Variants in SERINC5 observed in about 807,000 individuals in gnomAD.
SERINC5 encodes the protein serine incorporator 5.
A neutral mutation model predicts 63.1 loss-of-function variants in SERINC5; 41 were observed. The ratio of observed to expected loss-of-function variants is 0.65; its 90% CI spans 0.51 to 0.84. The LOEUF (loss-of-function observed/expected upper bound fraction) is 0.84. SERINC5 is among the 40% of genes least tolerant of loss of function. SERINC5 has a pLI of 0.00. For missense variants in SERINC5, 523 were observed against 573.0 expected (o/e 0.91, Z 0.89); for synonymous variants, 222 against 215.2 (o/e 1.03, Z -0.28).
chr5:80,194,203 T>A (rs1467453712), intron 2 of SERINC5, among the ~76,000 whole-genome samples: 1 of 152,230 alleles, frequency 6.6e-6, no homozygotes, highest in Non-Finnish European at 1.5e-5. Flanking sequence ...GGGTCAGCAA[T>A]ATTTTCTTGT....
At chr5:80,240,467 A>T (rs1751896884) in intron 1 of SERINC5, among the ~76,000 whole-genome samples, 1 of 152,200 alleles carries the variant, frequency 6.6e-6, no homozygotes, top group Non-Finnish European at 1.5e-5. Context: ...AAAGTTTTAG[A>T]ATATTGTGCC....
chr5:80,151,105 T>G (rs1192306229), intron 8 of SERINC5, among the ~76,000 whole-genome samples, 157 bp from the exon 9 acceptor site: 9 of 152,258 alleles, frequency 5.9e-5, no homozygotes. Context: ...TACCTCTCCT[T>G]ATTCCAAAAT....
intron 2 of SERINC5, among the ~76,000 whole-genome samples, chr5:80,181,414 T>TAGTGTGTGTG (rs796214325): frequency 8.8e-6 from 1 of 113,936 alleles, no homozygotes; most frequent in African/African-American, 3.9e-5. Flanking sequence ...GCTCAGCTAA[T>TAGTGTGTGTG]TTTGTGTGTG....
At chr5:80,244,136 C>CT in intron 1 of SERINC5, among the ~76,000 whole-genome samples, 1 of 152,186 alleles carries the variant, frequency 6.6e-6, no homozygotes, top group South Asian at 2.1e-4. Context: ...ATAACCTCCC[C>CT]TCCCTGGCTT....
intron 4 of SERINC5, among the ~76,000 whole-genome samples, chr5:80,176,470 C>T (rs952318292): frequency 8.5e-5 from 13 of 152,124 alleles, no homozygotes; most frequent in African/African-American, 3.1e-4. Context: ...CTCACTCTGT[C>T]GCCCAGGCTG....
Position 80,142,030 on chromosome 5 carries a change from G to A in SERINC5, c.*1633C>T, listed in dbSNP as rs1203323950. On this transcript the variant is annotated 3_prime_UTR_variant, in exon 12 of 12. Transcript: ENST00000507668. ...TTTGGCACACAGAAGCCCAGCTTAG[G>A]TGGCACTCAATTCTGCCCAACTCAT... The A allele has an allele frequency of 2.2e-5, 22 of 985,256 alleles. No homozygotes were observed. Among genetic ancestry groups the A allele is most frequent in the Non-Finnish European group, 2.7e-5 (22 of 829,938 alleles). 61.0% of individuals were successfully genotyped at this position (985,256 alleles called of 1,614,324 possible).
chr5:80,130,749 C>G (rs568974176), intron 11 of SERINC5, among the ~76,000 whole-genome samples: 23 of 152,286 alleles, frequency 1.5e-4, no homozygotes, highest in Non-Finnish European at 2.8e-4. Flanking sequence ...TACTGCCATC[C>G]ACAAATCTTT....
chr5:80,150,705 G>A (rs1006974638), intron 9 of SERINC5, among the ~76,000 whole-genome samples, 177 bp downstream of exon 9: 6 of 152,130 alleles, frequency 3.9e-5, no homozygotes, highest in Non-Finnish European at 5.9e-5. Flanking sequence ...CAAAGTGCTG[G>A]GATTACAGGC....
rs995048549 is a variant in SERINC5, at chr5:80,142,722, A to G, written c.*941T>C. 44 of 985,490 alleles carry G rather than the reference A, an allele frequency of 4.5e-5. No homozygotes were observed. Among genetic ancestry groups the G allele is most frequent in the Non-Finnish European group, 5.2e-5 (43 of 829,942 alleles). 61.0% of individuals were successfully genotyped at this position (985,490 alleles called of 1,614,324 possible). A position where few individuals can be genotyped will look rare whatever the true frequency, so the allele number is the denominator to read the frequency against. On this transcript the variant is annotated 3_prime_UTR_variant, in exon 12 of 12. Transcript: ENST00000507668. Reference sequence around the variant, plus strand: ...AGAAAAAACTGAGGGGCTGACCTCAACAACTGAAAGAGCAGTGCATGCAGC... The same window carrying G: ...AGAAAAAACTGAGGGGCTGACCTCAGCAACTGAAAGAGCAGTGCATGCAGC...
At chr5:80,223,275 C>G (rs984723223) in intron 1 of SERINC5, among the ~76,000 whole-genome samples, 1 of 152,154 alleles carries the variant, frequency 6.6e-6, no homozygotes, top group South Asian at 2.1e-4. Flanking sequence ...TTCTCATATG[C>G]TCAAGTCCCT....
intron 1 of SERINC5, among the ~76,000 whole-genome samples, chr5:80,251,485 T>G (rs1480973903): frequency 1.3e-5 from 2 of 151,932 alleles, no homozygotes; most frequent in Non-Finnish European, 2.9e-5. Context: ...ATCCCAGCAC[T>G]TTGGGAGGCA....
intron 1 of SERINC5, among the ~76,000 whole-genome samples, chr5:80,236,951 G>A (rs1467410246): frequency 6.6e-6 from 1 of 152,020 alleles, no homozygotes. Context: ...CCAGGTTCAA[G>A]CGATTCTCCT....
At position 80,243,785 on chromosome 5, in the gene SERINC5, A is replaced by AAATG. The variant is rs1449805916; in HGVS notation, c.27+12110_27+12111insCATT. ...TAAATAAATAAATAAATAAATAAATAAAACAAAATAAAATAAGCAAGCAGC... is the reference window on the plus strand; with the variant it reads ...TAAATAAATAAATAAATAAATAAATAAATGAAACAAAATAAAATAAGCAAGCAGC... On this transcript the variant is annotated intron_variant, in intron 1 of 11. Transcript: ENST00000507668. 3.3e-3 allele frequency among the ~76,000 whole-genome samples: 493 copies of AAATG among 148,540 alleles called. 1 individual carries two copies. The highest frequency in any genetic ancestry group is 5.0e-3 in the Non-Finnish European group (334 of 66,242).
intron 1 of SERINC5, among the ~76,000 whole-genome samples, chr5:80,243,875 T>TTGA (rs150424947): frequency 0.043 from 6,545 of 152,070 alleles, 177 homozygotes; most frequent in Admixed American, 0.053. Flanking sequence ...TGAATCCCAG[T>TTGA]TGATGAGATT....
At chr5:80,136,249 C>T (rs1203778110), downstream of SERINC5, among the ~76,000 whole-genome samples, 2 of 151,774 alleles carry the variant, frequency 1.3e-5, no homozygotes, top group Admixed American at 1.3e-4. Context: ...CACCACTACA[C>T]TCCAGCCTAG....
intron 1 of SERINC5, among the ~76,000 whole-genome samples, chr5:80,243,743 T>TTAAATAAATAAATAAA (rs70982044): frequency 1.4e-4 from 20 of 140,080 alleles, no homozygotes; most frequent in East Asian, 4.2e-4. Context: ...CTGTCTCTAT[T>TTAAATAAATAAATAAA]TAAATAAATA....
chr5:80,207,766 T>C (rs1432954801), intron 1 of SERINC5, among the ~76,000 whole-genome samples: 1 of 152,228 alleles, frequency 6.6e-6, no homozygotes, highest in Non-Finnish European at 1.5e-5. Context: ...AGCCCAAAAG[T>C]GATTTATCAA....
intron 1 of SERINC5, among the ~76,000 whole-genome samples, chr5:80,245,660 G>A (rs1334546848): frequency 6.6e-6 from 1 of 151,722 alleles, no homozygotes; most frequent in Non-Finnish European, 1.5e-5. Context: ...TGTTGCCCAG[G>A]CTGGAGTGCA....
chr5:80,224,971 G>A (rs1038500709), intron 1 of SERINC5, among the ~76,000 whole-genome samples: 1 of 111,178 alleles, frequency 9.0e-6, no homozygotes, highest in Non-Finnish European at 1.9e-5. Context: ...GACAAGTTTT[G>A]CTCTTGTTGC....
Sources: allele counts gnomAD v4.1 joint callset (sites outside exome capture counted in the v4.1 genomes callset), GRCh38; gene constraint gnomAD v4.1.1; transcripts MANE v1.5; gene names NCBI Gene and HGNC (gene_info 2026-07-23, HGNC 2026-07-21).